The following FLT4 variants were observed in gnomAD, a reference collection of about 807,000 sequenced individuals.
The protein encoded by FLT4 is fms related receptor tyrosine kinase 4.
Under a neutral mutation model 163.2 loss-of-function variants are expected in FLT4, and 30 were observed. That is an observed-to-expected ratio of 0.18 (90% CI 0.14 to 0.25). The LOEUF (loss-of-function observed/expected upper bound fraction) is 0.25. FLT4 is among the 10% of genes least tolerant of loss of function. FLT4 has a pLI of 1.00. For missense variants in FLT4, 1,510 were observed against 1,863.8 expected (o/e 0.81, Z 3.50); for synonymous variants, 884 against 789.5 (o/e 1.12, Z -2.01).
At chr5:180,610,598 G>A (rs376747358) in intron 27 of FLT4, among the ~76,000 whole-genome samples, 7 of 152,304 alleles carry the variant, frequency 4.6e-5, no homozygotes, top group Non-Finnish European at 7.4e-5. Context: ...GCAGAGTTCC[G>A]GGAATTAGGT....
rs1763259012 is a variant in FLT4 at position 180,622,825 on chromosome 5, C to T, written c.1563G>A (p.Leu521=). Residue 521 remains leucine (L), a synonymous_variant, in exon 12 of 30, where the codon CTG becomes CTA. Coordinates refer to ENST00000261937, the MANE Select transcript of FLT4 (RefSeq NM_182925.5). ...CAGACACGTTGGCATTCTGGATCAC[C>T]AGCTTGCTCACAGTCTGGGAGAGCA... ...VEGKNKTVSK[L]VIQNANVSAM... 4 of 1,612,964 alleles carry T rather than the reference C, an allele frequency of 2.5e-6. No homozygotes were observed. The South Asian group carries it at 4.4e-5, about 18-fold the overall frequency.
chr5:180,637,615 G>A (rs957793340), intron 1 of FLT4, among the ~76,000 whole-genome samples: 2 of 152,090 alleles, frequency 1.3e-5, no homozygotes, highest in Non-Finnish European at 2.9e-5. Context: ...TCACTGCAAC[G>A]TCCACCTTCC....
In FLT4 at chr5:180,621,731, T is replaced by C. The variant is rs747198757; in HGVS notation, c.1831A>G (p.Lys611Glu). Residue 611 changes from lysine (K) to glutamate (E), a missense_variant, in exon 13 of 30, where the codon AAG (lysine) becomes GAG (glutamate). Lys to Glu is a moderately conservative substitution (Grantham distance 56, BLOSUM62 1). Coordinates refer to ENST00000261937, the MANE Select transcript of FLT4 (RefSeq NM_182925.5). ...AHGNPLLLDC[K>E]NVHLFATPLA... ...GGGGTGGCGAACAGATGCACGTTCT[T>C]GCAGTCGAGCAGAAGCGGGTTCCCG... 1.2e-6 allele frequency: 2 copies of C among 1,613,018 alleles called. No individual in the cohort carries two copies. Among genetic ancestry groups the C allele is most frequent in the South Asian group, 2.2e-5 (2 of 91,086 alleles).
At chr5:180,627,313 G>A (rs935084266) in intron 8 of FLT4, among the ~76,000 whole-genome samples, 22 of 152,188 alleles carry the variant, frequency 1.4e-4, no homozygotes, top group African/African-American at 5.3e-4. Flanking sequence ...CCCGGGGGGA[G>A]TGCCTGGCCT....
intron 2 of FLT4, among the ~76,000 whole-genome samples, chr5:180,631,245 G>T (rs907655792): frequency 6.6e-6 from 1 of 151,978 alleles, no homozygotes; most frequent in African/African-American, 2.4e-5. Flanking sequence ...AGGCTGAGGT[G>T]GGTGGGTTAC....
chr5:180,620,826 C>T lies in FLT4; in HGVS notation c.2299+50G>A, dbSNP rs1002956672. ...CTTGCCCAAGGTGGCCACAAGAAAG[C>T]GTTAACTGGGGACGGGAAGGGAGTT... On this transcript the variant is annotated intron_variant, in intron 15 of 29. Coordinates refer to ENST00000261937, the MANE Select transcript of FLT4 (RefSeq NM_182925.5). The surrounding 1 kb of genome is among the most constrained non-coding windows in gnomAD (Gnocchi z 4.4). 5 of 1,609,316 alleles carry T rather than the reference C, an allele frequency of 3.1e-6. No homozygotes were observed. The highest frequency in any genetic ancestry group is 3.4e-6 in the Non-Finnish European group (4 of 1,178,578).
At chr5:180,613,842 T>A in intron 24 of FLT4, 1 of 601,274 alleles carries the variant, frequency 1.7e-6, no homozygotes. Context: ...CAGGCTTCAA[T>A]GTGCACCCCA....
intron 6 of FLT4, 44 bp from the exon 7 acceptor site, chr5:180,629,471 G>C: frequency 6.2e-7 from 1 of 1,603,482 alleles, no homozygotes; most frequent in Non-Finnish European, 8.5e-7. Flanking sequence ...GCGGGCTCCT[G>C]CACAGCTACC....
In FLT4 at chr5:180,619,238, C is replaced by T. The variant is rs1486570372; in HGVS notation, c.2761+15G>A. 1.1e-5 allele frequency: 18 copies of T among 1,581,164 alleles called. No individual in the cohort carries two copies. Among genetic ancestry groups the T allele is most frequent in the Non-Finnish European group, 1.5e-5 (17 of 1,164,020 alleles). On this transcript the variant is annotated intron_variant, in intron 19 of 29. Transcript: ENST00000261937. ...CCCGGGGTCTCGCCGTCCCAGCGGG[C>T]CGCCCGCTCCGTACCCTGCGGCTTG...
intron 24 of FLT4, chr5:180,613,479 TC>T (rs1295948007): frequency 3.8e-6 from 1 of 264,836 alleles, no homozygotes; most frequent in Non-Finnish European, 7.1e-6. Flanking sequence ...CTCCTGCTGC[TC>T]CCCCCAACCC....
At chr5:180,619,834 C>A (rs1234845059) in intron 17 of FLT4, 65 bp from the exon 18 acceptor site, 2 of 1,250,290 alleles carry the variant, frequency 1.6e-6, no homozygotes, top group African/African-American at 2.9e-5. Context: ...AGGTGGGCGG[C>A]GGGGGAGCCC....
rs1412869077 is a variant in FLT4, at chr5:180,621,844, G to T, written c.1718C>A (p.Pro573Gln). Residue 573 changes from proline (P) to glutamine (Q), a missense_variant, in exon 13 of 30, where the codon CCG becomes CAG. Physicochemically the swap from Pro to Gln is moderately conservative, Grantham distance 76 (BLOSUM62 -1). This residue lies in a region of FLT4 where 878 missense variants were observed against 1,016.7 expected (regional missense o/e 0.86). Coordinates refer to ENST00000261937, the MANE Select transcript of FLT4 (RefSeq NM_182925.5). The stretch of plus-strand genomic sequence containing the variant: ...GTCGGCTTGGCAGCTCAGGAGCACC[G>T]GCTGGCCCTCTAGTAGCTCCTCGGA... ...KPSEELLEGQ[P>Q]VLLSCQADSY... 1 of 1,613,318 alleles carries T rather than the reference G, an allele frequency of 6.2e-7. No individual in the cohort carries two copies. Among genetic ancestry groups the T allele is most frequent in the Admixed American group, 1.7e-5 (1 of 60,014 alleles).
intron 28 of FLT4, 32 bp from the exon 29 acceptor site, chr5:180,609,085 C>A: frequency 6.3e-7 from 1 of 1,593,940 alleles, no homozygotes; most frequent in Non-Finnish European, 8.6e-7. Flanking sequence ...GGCTGTGGGT[C>A]CCGCCTGAGG....
At chr5:180,638,186 A>G (rs1029095370) in intron 1 of FLT4, among the ~76,000 whole-genome samples, 1 of 152,142 alleles carries the variant, frequency 6.6e-6, no homozygotes, top group Non-Finnish European at 1.5e-5. Flanking sequence ...TCCAGCCAGG[A>G]CTACTGTTTG....
chr5:180,609,187 A>G, intron 28 of FLT4, 134 bp from the exon 29 acceptor site: 1 of 740,700 alleles, frequency 1.4e-6, no homozygotes, highest in Non-Finnish European at 2.4e-6. Context: ...AAGCTGAGCC[A>G]GAAACAAGGC....
At chr5:180,644,930 C>T (rs915458290) in intron 1 of FLT4, among the ~76,000 whole-genome samples, 4 of 152,252 alleles carry the variant, frequency 2.6e-5, no homozygotes, top group Admixed American at 6.5e-5. Context: ...AGGCCCCTTC[C>T]GCTTGGAGCA....
At chr5:180,633,505 G>A (rs1016178637) in intron 1 of FLT4, among the ~76,000 whole-genome samples, 31 of 152,246 alleles carry the variant, frequency 2.0e-4, no homozygotes, top group African/African-American at 1.4e-4. Context: ...GCACCACAGC[G>A]GGGCCTGGGC....
intron 10 of FLT4, 108 bp from the exon 11 acceptor site, chr5:180,624,169 G>A (rs1038911352): frequency 9.7e-6 from 13 of 1,347,028 alleles, no homozygotes; most frequent in Non-Finnish European, 1.4e-5. Context: ...CTCATATGGG[G>A]TCGTGGGCGA....
chr5:180,605,856 C>T (rs773427810), intron 29 of FLT4, among the ~76,000 whole-genome samples: 1 of 152,184 alleles, frequency 6.6e-6, no homozygotes, highest in Admixed American at 6.5e-5. Flanking sequence ...TCTATAGGTA[C>T]GGGCTCTGGC....
Sources: allele counts gnomAD v4.1 joint callset (sites outside exome capture counted in the v4.1 genomes callset), GRCh38; gene constraint gnomAD v4.1.1; regional missense constraint gnomAD v4.1.1; non-coding constraint Gnocchi (gnomAD v3.1); transcripts MANE v1.5; gene names NCBI Gene and HGNC (gene_info 2026-07-23, HGNC 2026-07-21).